MRPS28: variants seen among roughly 807,000 people sequenced by gnomAD.
MRPS28 encodes small ribosomal subunit protein bS1m.
In MRPS28, 7 loss-of-function variants were observed where a neutral mutation model predicts 10.8. The observed-to-expected ratio is 0.65, with a 90% CI of 0.37 to 1.22. MRPS28 has a LOEUF of 1.22. Among genes scored for constraint, MRPS28 ranks in the 50% most tolerant of loss-of-function variants. The pLI, the probability that MRPS28 is intolerant of heterozygous loss-of-function variation, is 0.02. For synonymous variants in MRPS28, 121 were observed against 93.3 expected (o/e 1.30, Z -1.71); for missense variants, 265 against 232.9 (o/e 1.14, Z -0.90).
chr8:80,016,236 T>C (rs140709418), intron 1 of MRPS28, among the ~76,000 whole-genome samples: 83 of 152,152 alleles, frequency 5.5e-4, no homozygotes, highest in South Asian at 3.9e-3. Context: ...TCTAGGCATA[T>C]AGTATCATTT....
intron 1 of MRPS28, among the ~76,000 whole-genome samples, chr8:80,025,308 A>G (rs1219771490): frequency 6.6e-6 from 1 of 152,198 alleles, no homozygotes; most frequent in Non-Finnish European, 1.5e-5. Context: ...ATATCAAGAA[A>G]ATCCACCTAT....
chr8:79,986,765 G>A (rs1367381974), intron 2 of MRPS28, among the ~76,000 whole-genome samples: 3 of 149,596 alleles, frequency 2.0e-5, no homozygotes, highest in East Asian at 3.9e-4. Context: ...ACTGCTCAAC[G>A]AAATAAAAGA....
At chr8:79,978,457 T>A (rs1807859212) in intron 2 of MRPS28, among the ~76,000 whole-genome samples, 1 of 152,150 alleles carries the variant, frequency 6.6e-6, no homozygotes, top group Non-Finnish European at 1.5e-5. Context: ...GTGGATCAGA[T>A]CAGGCTTCAA....
At chr8:79,924,013 C>G (rs1357537304) in intron 2 of MRPS28, among the ~76,000 whole-genome samples, 1 of 152,180 alleles carries the variant, frequency 6.6e-6, no homozygotes, top group Non-Finnish European at 1.5e-5. Flanking sequence ...TAGAGAGAAT[C>G]TCTCTGACTA....
chr8:79,930,641 T>C (rs1002427237), intron 2 of MRPS28, among the ~76,000 whole-genome samples: 7 of 152,210 alleles, frequency 4.6e-5, no homozygotes, highest in Non-Finnish European at 7.3e-5. Flanking sequence ...ATGTGTTACT[T>C]AGAATGTTCC....
intron 2 of MRPS28, among the ~76,000 whole-genome samples, chr8:79,980,835 A>G (rs1244805908): frequency 3.3e-5 from 5 of 152,226 alleles, no homozygotes; most frequent in Admixed American, 2.6e-4. Context: ...TTTGGAGGGA[A>G]AATTTAATAA....
intron 2 of MRPS28, among the ~76,000 whole-genome samples, chr8:79,919,363 AAG>A (rs1045113672): frequency 6.7e-6 from 1 of 149,428 alleles, no homozygotes; most frequent in Non-Finnish European, 1.5e-5. Flanking sequence ...AAAAAAAAAA[AAG>A]AGTTTCACTC....
intron 2 of MRPS28, among the ~76,000 whole-genome samples, chr8:79,934,441 A>G (rs1399213120): frequency 1.3e-5 from 2 of 152,174 alleles, no homozygotes; most frequent in Non-Finnish European, 2.9e-5. Flanking sequence ...TCAATATTAT[A>G]TAACATAAAA....
At chr8:79,956,476 T>C (rs1053200672) in intron 2 of MRPS28, 1 of 152,164 alleles carries the variant, frequency 6.6e-6, no homozygotes, top group Non-Finnish European at 1.5e-5. Context: ...ATAATTTAAA[T>C]ACTTTTTTTA....
intron 2 of MRPS28, among the ~76,000 whole-genome samples, chr8:79,988,967 C>A (rs1808275198): frequency 6.6e-6 from 1 of 152,098 alleles, no homozygotes; most frequent in African/African-American, 2.4e-5. Flanking sequence ...GAAGGAGAAT[C>A]AAGAAAATAA....
chr8:80,002,100 C>T (rs183308533), intron 2 of MRPS28, among the ~76,000 whole-genome samples: 58 of 152,226 alleles, frequency 3.8e-4, no homozygotes, highest in African/African-American at 1.3e-3. Context: ...CAATTATCAA[C>T]GGCATCTTTA....
intron 2 of MRPS28, among the ~76,000 whole-genome samples, chr8:79,974,366 T>G (rs1320141811): frequency 6.6e-6 from 1 of 151,772 alleles, no homozygotes; most frequent in Non-Finnish European, 1.5e-5. Flanking sequence ...CGGTGACCCC[T>G]TGTCTCTACT....
At chr8:79,949,426 A>AC (rs996743587) in intron 2 of MRPS28, among the ~76,000 whole-genome samples, 2 of 151,648 alleles carry the variant, frequency 1.3e-5, no homozygotes, top group African/African-American at 4.8e-5. Context: ...AAAAAAAAAA[A>AC]AACAACAACA....
At chr8:80,002,611 T>C (rs1808689526) in intron 2 of MRPS28, among the ~76,000 whole-genome samples, 1 of 151,986 alleles carries the variant, frequency 6.6e-6, no homozygotes, top group Non-Finnish European at 1.5e-5. Flanking sequence ...ATCCTAAAAA[T>C]AGATGCAAAA....
chr8:80,026,546 T>C (rs1809497174), intron 1 of MRPS28, among the ~76,000 whole-genome samples: 1 of 152,232 alleles, frequency 6.6e-6, no homozygotes, highest in African/African-American at 2.4e-5. Context: ...TGACAAATAT[T>C]TACCGAGTGC....
chr8:79,994,242 A>T (rs759734046), intron 2 of MRPS28, among the ~76,000 whole-genome samples: 1 of 152,212 alleles, frequency 6.6e-6, no homozygotes, highest in African/African-American at 2.4e-5. Flanking sequence ...GCAACAGCAT[A>T]GTTTAACCAC....
At chr8:80,007,384 C>G (rs964919621) in intron 1 of MRPS28, among the ~76,000 whole-genome samples, 2 of 152,190 alleles carry the variant, frequency 1.3e-5, no homozygotes, top group African/African-American at 4.8e-5. Flanking sequence ...CCCTCTCTCA[C>G]CACTCTTATT....
intron 1 of MRPS28, among the ~76,000 whole-genome samples, chr8:80,016,736 G>C (rs150209084): frequency 5.9e-5 from 9 of 152,008 alleles, no homozygotes; most frequent in African/African-American, 2.2e-4. Context: ...ATAATAAAAG[G>C]GTTAATTATC....
chr8:80,011,133 TTA>T (rs1563542234), intron 1 of MRPS28, among the ~76,000 whole-genome samples: 6 of 146,940 alleles, frequency 4.1e-5, no homozygotes, highest in African/African-American at 1.6e-4. Context: ...TTTTATTTTT[TTA>T]TTTTTATTTT....
Sources: gnomAD v4.1 joint callset for allele counts (sites outside exome capture counted in the v4.1 genomes callset) on GRCh38, gnomAD v4.1.1 for gene constraint, MANE v1.5 for transcripts, NCBI Gene and HGNC (gene_info 2026-07-23, HGNC 2026-07-21) for gene names.